The following HSD17B2 variants were observed in gnomAD, a reference collection of about 807,000 sequenced individuals.
The protein encoded by HSD17B2 is 17-beta-hydroxysteroid dehydrogenase type 2.
HSD17B2 carries 32 observed loss-of-function variants against 26.9 expected under a neutral mutation model. The ratio of observed to expected loss-of-function variants is 1.19; its 90% confidence interval spans 0.90 to 1.60. The LOEUF is 1.60. Ranked by LOEUF, HSD17B2 falls within the 40% of genes most tolerant of loss-of-function variation. The probability of loss-of-function intolerance (pLI) is 0.00; values close to 1 mark genes in which losing one functional copy is unlikely to be tolerated. For missense variants in HSD17B2, 613 were observed against 468.6 expected, an observed-to-expected ratio of 1.31 and a Z score of -2.85; for synonymous variants, 246 against 186.7, an observed-to-expected ratio of 1.32 and a Z score of -2.59.
At chr16:82,058,677 G>T (rs963480492) in intron 1 of HSD17B2, among the ~76,000 whole-genome samples, 3 of 152,104 alleles carry the variant, frequency 2.0e-5, no homozygotes, top group Non-Finnish European at 4.4e-5. Flanking sequence ...TTTTCACGGT[G>T]ACCAGGTCTT....
chr16:82,039,541 A>T (rs1466913781), intron 1 of HSD17B2, among the ~76,000 whole-genome samples: 2 of 152,176 alleles, frequency 1.3e-5, no homozygotes. Flanking sequence ...CCAGAAGCAA[A>T]GGGGGAAGAA....
intron 4 of HSD17B2, chr16:82,092,136 A>G (rs1904712766): frequency 6.6e-6 from 1 of 152,288 alleles, no homozygotes; most frequent in East Asian, 1.9e-4. Context: ...TTTTCATCTA[A>G]AAGTTTGAGC....
At chr16:82,053,186 G>C (rs1018637280) in intron 1 of HSD17B2, among the ~76,000 whole-genome samples, 3 of 152,170 alleles carry the variant, frequency 2.0e-5, no homozygotes, top group Non-Finnish European at 4.4e-5. Context: ...GGTAGCACAG[G>C]TTTTGGCTGC....
At chr16:82,091,512 T>C (rs1373296428) in intron 4 of HSD17B2, 1 of 167,288 alleles carries the variant, frequency 6.0e-6, no homozygotes, top group Non-Finnish European at 1.3e-5. Context: ...ATATTTACAA[T>C]TTAAAGTTCT....
chr16:82,078,977 C>T (rs1362073532), intron 3 of HSD17B2, among the ~76,000 whole-genome samples: 4 of 152,014 alleles, frequency 2.6e-5, no homozygotes, highest in Non-Finnish European at 4.4e-5. Context: ...AACAGAGTGA[C>T]AATAGTCAAT....
intron 1 of HSD17B2, among the ~76,000 whole-genome samples, chr16:82,057,206 T>C (rs937583677): frequency 6.8e-6 from 1 of 147,304 alleles, no homozygotes; most frequent in Non-Finnish European, 1.5e-5. Flanking sequence ...TTTCTTTTCT[T>C]TTTTTTTTTT....
rs1299416053 is a variant in HSD17B2 at position 82,035,447 on chromosome 16, C to T, written c.23C>T (p.Thr8Ile). 6.2e-7 allele frequency: 1 copy of T among 1,613,000 alleles called. No individual in the cohort carries two copies. Among genetic ancestry groups the T allele is most frequent in the South Asian group, 1.1e-5 (1 of 91,038 alleles). The change falls in exon 1 of 5, where the codon ACA becomes ATA. Residue 8 changes from threonine to isoleucine, a missense_variant. Coordinates refer to ENST00000199936, the MANE Select transcript of HSD17B2 (RefSeq NM_002153.3). Reference protein sequence around the residue: MSTFFSDTAWICLAVPTV... With the variant: MSTFFSDIAWICLAVPTV... ...AGAATGAGCACTTTCTTCTCGGACA[C>T]AGCATGGATCTGCCTGGCTGTCCCC... is the stretch of plus-strand genomic sequence containing the variant.
chr16:82,039,063 G>A (rs1913696745), intron 1 of HSD17B2, among the ~76,000 whole-genome samples: 1 of 152,130 alleles, frequency 6.6e-6, no homozygotes, highest in Admixed American at 6.5e-5. Context: ...GGAAAGAATC[G>A]CAGGTGCTGG....
At chr16:82,097,227 TGTCTA>T (rs1904867314) in intron 4 of HSD17B2, 1 of 147,784 alleles carries the variant, frequency 6.8e-6, no homozygotes, top group African/African-American at 2.5e-5. Flanking sequence ...TCTATGTCTA[TGTCTA>T]TGTCTATGTC....
At chr16:82,060,223 A>G (rs1237518517) in intron 1 of HSD17B2, among the ~76,000 whole-genome samples, 1 of 152,210 alleles carries the variant, frequency 6.6e-6, no homozygotes, top group Admixed American at 6.5e-5. Context: ...TCCACTTCCC[A>G]CTAGTTTCCC....
intron 1 of HSD17B2, among the ~76,000 whole-genome samples, chr16:82,045,521 C>T (rs1169829127): frequency 6.6e-6 from 1 of 152,140 alleles, no homozygotes; most frequent in Non-Finnish European, 1.5e-5. Context: ...TGATTTTTAC[C>T]TATTTTCTAT....
intron 3 of HSD17B2, among the ~76,000 whole-genome samples, chr16:82,081,842 A>G (rs924994995): frequency 6.6e-6 from 1 of 152,220 alleles, no homozygotes; most frequent in Admixed American, 6.5e-5. Context: ...CACAGAATCA[A>G]CCCAATTGCC....
At chr16:82,081,015 C>G (rs1250467098) in intron 3 of HSD17B2, among the ~76,000 whole-genome samples, 1 of 151,964 alleles carries the variant, frequency 6.6e-6, no homozygotes, top group Non-Finnish European at 1.5e-5. Flanking sequence ...CTTCCCCCTC[C>G]CTGTCCTTTC....
At chr16:82,067,891 C>G (rs1051380004) in intron 1 of HSD17B2, among the ~76,000 whole-genome samples, 7 of 152,354 alleles carry the variant, frequency 4.6e-5, no homozygotes, top group African/African-American at 1.7e-4. Context: ...CCACCAGCCA[C>G]TCCTGGACTA....
At chr16:82,080,354 C>G (rs1480893265) in intron 3 of HSD17B2, among the ~76,000 whole-genome samples, 1 of 152,114 alleles carries the variant, frequency 6.6e-6, no homozygotes, top group Non-Finnish European at 1.5e-5. Flanking sequence ...CTGGATGAAT[C>G]TGATGCAATC....
At chr16:82,087,700 G>A (rs955938130) in intron 3 of HSD17B2, among the ~76,000 whole-genome samples, 1 of 152,174 alleles carries the variant, frequency 6.6e-6, no homozygotes, top group Non-Finnish European at 1.5e-5. Flanking sequence ...TGCAGACTGG[G>A]TAATTTATAA....
At chr16:82,065,840 C>T (rs761975860) in intron 1 of HSD17B2, among the ~76,000 whole-genome samples, 7 of 152,212 alleles carry the variant, frequency 4.6e-5, no homozygotes, top group Non-Finnish European at 1.0e-4. Context: ...ATCTTGGCAT[C>T]TCTTGTTTTC....
intron 1 of HSD17B2, among the ~76,000 whole-genome samples, chr16:82,040,182 G>A (rs943677400): frequency 2.0e-5 from 3 of 152,310 alleles, no homozygotes; most frequent in Non-Finnish European, 2.9e-5. Context: ...ATGCTCACAA[G>A]AAAGTGTCTC....
chr16:82,080,629 G>A (rs560467046), intron 3 of HSD17B2, among the ~76,000 whole-genome samples: 19 of 152,328 alleles, frequency 1.2e-4, no homozygotes, highest in African/African-American at 4.6e-4. Context: ...TACAGCAGCT[G>A]TGGGAAAATA....
Sources: gnomAD v4.1 joint callset for allele counts (sites outside exome capture counted in the v4.1 genomes callset) on GRCh38, gnomAD v4.1.1 for gene constraint, MANE v1.5 for transcripts, NCBI Gene and HGNC (gene_info 2026-07-23, HGNC 2026-07-21) for gene names.